PLCB1: variants seen among roughly 807,000 people sequenced by gnomAD.
The protein encoded by PLCB1 is 1-phosphatidylinositol 4,5-bisphosphate phosphodiesterase beta-1.
A neutral mutation model predicts 161.8 loss-of-function variants in PLCB1; 46 were observed. That is an observed-to-expected ratio of 0.28 (90% confidence interval 0.22 to 0.36). PLCB1 has a LOEUF of 0.36. Among genes scored for constraint, PLCB1 ranks in the 10% least tolerant of loss-of-function variants. The probability of loss-of-function intolerance (pLI) is 1.00; values close to 1 mark genes in which losing one functional copy is unlikely to be tolerated. For missense variants in PLCB1, 1,016 were observed against 1,472.5 expected, an observed-to-expected ratio of 0.69 and a Z score of 5.07; for synonymous variants, 517 against 503.7, an observed-to-expected ratio of 1.03 and a Z score of -0.35.
In PLCB1 at chr20:8,278,305, T is replaced by A. The variant is rs547853085; in HGVS notation, c.178-93077T>A. Among the ~76,000 whole-genome samples, 948 of 141,524 alleles carry A rather than the reference T, an allele frequency of 6.7e-3. 6 individuals are homozygous for A. The highest frequency in any genetic ancestry group is 0.011 in the Non-Finnish European group (725 of 65,450). The allele number at this position is 141,524 out of a possible 152,430, so 92.8% of individuals were successfully genotyped here. A position where few individuals can be genotyped will look rare whatever the true frequency, so the allele number is the denominator to read the frequency against. ...TATATATTTATATAATATATAAAAA[T>A]ATATATTATATTTATATAATGCATT... is the stretch of plus-strand genomic sequence containing the variant. On this transcript the variant is annotated intron_variant, in intron 2 of 31. Transcript: ENST00000338037.
intron 3 of PLCB1, among the ~76,000 whole-genome samples, chr20:8,606,696 T>C (rs1235053609): frequency 7.4e-4 from 113 of 152,250 alleles, no homozygotes; most frequent in Non-Finnish European, 1.0e-4. Context: ...AGGGACTTGA[T>C]GGCTTCATAA....
chr20:8,749,426 A>C (rs1981340084), intron 23 of PLCB1, among the ~76,000 whole-genome samples: 1 of 152,234 alleles, frequency 6.6e-6, no homozygotes, highest in Non-Finnish European at 1.5e-5. Context: ...AATTATCCAG[A>C]ATTTGTCCCG....
chr20:8,619,108 G>A (rs962794248), intron 3 of PLCB1, among the ~76,000 whole-genome samples: 7 of 151,972 alleles, frequency 4.6e-5, no homozygotes, highest in South Asian at 4.2e-4. Context: ...AAATTTTCTC[G>A]CTCCTTTTAA....
chr20:8,641,484 A>G (rs1988955812), intron 4 of PLCB1, among the ~76,000 whole-genome samples: 1 of 152,252 alleles, frequency 6.6e-6, no homozygotes, highest in Non-Finnish European at 1.5e-5. Context: ...AAGTTATGAA[A>G]CAACACACAC....
chr20:8,844,213 C>T (rs1986608472), intron 31 of PLCB1, among the ~76,000 whole-genome samples: 1 of 152,220 alleles, frequency 6.6e-6, no homozygotes, highest in African/African-American at 2.4e-5. Flanking sequence ...CTCAACTCTG[C>T]CGTTGTCCTT....
At chr20:8,234,560 C>T (rs990786261) in intron 2 of PLCB1, among the ~76,000 whole-genome samples, 2 of 152,066 alleles carry the variant, frequency 1.3e-5, no homozygotes, top group Non-Finnish European at 2.9e-5. Flanking sequence ...GAAATTTCCA[C>T]GTCCTATTAA....
At chr20:8,729,356 C>T (rs1208715914) in intron 18 of PLCB1, 182 bp downstream of exon 18, 3 of 414,376 alleles carry the variant, frequency 7.2e-6, no homozygotes, top group Non-Finnish European at 1.3e-5. Flanking sequence ...GAGACATGTT[C>T]TTCAATTATT....
intron 7 of PLCB1, chr20:8,652,480 TGA>T (rs1989347465): frequency 1.3e-5 from 2 of 152,266 alleles, no homozygotes; most frequent in East Asian, 3.9e-4. Context: ...TAAATCTCTG[TGA>T]TAATTTCATT....
At chr20:8,417,074 T>TATATATATATA (rs1491433170) in intron 3 of PLCB1, among the ~76,000 whole-genome samples, 1 of 27,826 alleles carries the variant, frequency 3.6e-5, no homozygotes, top group African/African-American at 2.5e-4. Context: ...TATATATATA[T>TATATATATATA]TTTTTTTTTT....
Position 8,616,335 on chromosome 20 carries a change from T to A in PLCB1, c.247-11959T>A, listed in dbSNP as rs537083857. On this transcript the variant is annotated intron_variant, in intron 3 of 31. Coordinates refer to ENST00000338037, the MANE Select transcript of PLCB1 (RefSeq NM_015192.4). Reference sequence around the variant, plus strand: ...GCTCTTCCTCCTACCACAAGAAATTTGCATAACATGCTACTCCACTGCCTG... The same window carrying A: ...GCTCTTCCTCCTACCACAAGAAATTAGCATAACATGCTACTCCACTGCCTG... 5.9e-5 allele frequency among the ~76,000 whole-genome samples: 9 copies of A among 152,306 alleles called. No individual in the cohort carries two copies. The South Asian group carries it at 1.9e-3, about 32-fold the overall frequency.
chr20:8,693,128 G>A (rs1300339275), intron 10 of PLCB1, among the ~76,000 whole-genome samples: 2 of 152,290 alleles, frequency 1.3e-5, no homozygotes, highest in East Asian at 3.9e-4. Context: ...CTACCTGGAT[G>A]GTAAGGGTAA....
chr20:8,169,554 A>G (rs1048213735), intron 2 of PLCB1, among the ~76,000 whole-genome samples: 2 of 152,162 alleles, frequency 1.3e-5, no homozygotes, highest in African/African-American at 4.8e-5. Context: ...AGGTATTCGG[A>G]TACTTCTGAT....
intron 3 of PLCB1, among the ~76,000 whole-genome samples, chr20:8,426,059 A>G (rs1979755739): frequency 6.6e-6 from 1 of 152,144 alleles, no homozygotes; most frequent in African/African-American, 2.4e-5. Flanking sequence ...CCCACTTTTT[A>G]GCTGAGTTGA....
intron 2 of PLCB1, among the ~76,000 whole-genome samples, chr20:8,362,265 C>G (rs1986568396): frequency 6.6e-6 from 1 of 152,088 alleles, no homozygotes; most frequent in African/African-American, 2.4e-5. Flanking sequence ...AACTTTTTCT[C>G]AGGTTTTTAA....
chr20:8,663,510 T>C (rs1989738347), intron 9 of PLCB1, among the ~76,000 whole-genome samples: 1 of 152,204 alleles, frequency 6.6e-6, no homozygotes, highest in African/African-American at 2.4e-5. Flanking sequence ...GACAATAGAC[T>C]TTGATCTTCT....
chr20:8,458,693 C>T (rs1981437281), intron 3 of PLCB1, among the ~76,000 whole-genome samples: 1 of 152,124 alleles, frequency 6.6e-6, no homozygotes, highest in Non-Finnish European at 1.5e-5. Flanking sequence ...TTTACATTAC[C>T]TGTCTGGGAT....
chr20:8,826,507 AAAAG>A lies in PLCB1; in HGVS notation c.3423+36250_3423+36253del, dbSNP rs1469698099. On this transcript the variant is annotated intron_variant, in intron 31 of 31. Coordinates refer to ENST00000338037, the MANE Select transcript of PLCB1 (RefSeq NM_015192.4). ...CGAGACTCCGTCTCAAAAAAAAAAA[AAAAG>A]AAAAGAAAAGAAGGCCTCAGATGGA... Among the ~76,000 whole-genome samples the A allele has an allele frequency of 2.8e-3, 424 of 149,490 alleles. 1 individual carries two copies. The highest frequency in any genetic ancestry group is 0.011 in the South Asian group (54 of 4,750).
At chr20:8,723,734 T>C (rs576529022) in intron 15 of PLCB1, among the ~76,000 whole-genome samples, 12 of 152,208 alleles carry the variant, frequency 7.9e-5, no homozygotes, top group Admixed American at 7.9e-4. Context: ...TTGCCCAAGG[T>C]TGCCCGGTTT....
intron 2 of PLCB1, among the ~76,000 whole-genome samples, chr20:8,159,489 T>C (rs2051598541): frequency 6.6e-6 from 1 of 152,276 alleles, no homozygotes; most frequent in Non-Finnish European, 1.5e-5. Context: ...ATTTTCCCCA[T>C]TGTCTTGAGG....
Sources: gnomAD v4.1 joint callset for allele counts (sites outside exome capture counted in the v4.1 genomes callset) on GRCh38, gnomAD v4.1.1 for gene constraint, MANE v1.5 for transcripts, NCBI Gene and HGNC (gene_info 2026-07-23, HGNC 2026-07-21) for gene names.